Variants in MYO18B observed in about 807,000 individuals in gnomAD.
MYO18B encodes unconventional myosin-XVIIIb.
A neutral mutation model predicts 273.0 loss-of-function variants in MYO18B; 204 were observed. The ratio of observed to expected loss-of-function variants is 0.75; its 90% CI spans 0.67 to 0.84. The LOEUF is 0.84. Ranked by LOEUF, MYO18B falls within the 40% of genes least tolerant of loss-of-function variation. The pLI, the probability that MYO18B is intolerant of heterozygous loss-of-function variation, is 0.00. For missense variants in MYO18B, 3,212 were observed against 3,287.6 expected (o/e 0.98, Z 0.56); for synonymous variants, 1,330 against 1,305.7 (o/e 1.02, Z -0.40).
chr22:25,935,038 C>G (rs2092558808), intron 34 of MYO18B, among the ~76,000 whole-genome samples: 1 of 152,158 alleles, frequency 6.6e-6, no homozygotes, highest in Admixed American at 6.5e-5. Context: ...AAAGAGAAAT[C>G]TCATTAAAAT....
At chr22:25,904,592 C>T (rs2092003177) in intron 31 of MYO18B, among the ~76,000 whole-genome samples, 1 of 152,108 alleles carries the variant, frequency 6.6e-6, no homozygotes, top group African/African-American at 2.4e-5. Context: ...AATAAAATAA[C>T]AAAGGGAATA....
chr22:25,929,392 C>T (rs971651487), intron 34 of MYO18B, among the ~76,000 whole-genome samples: 11 of 152,004 alleles, frequency 7.2e-5, no homozygotes, highest in South Asian at 2.1e-4. Flanking sequence ...CCACTGGAAA[C>T]AAACTAATCT....
chr22:25,911,908 A>T (rs1164697590), intron 33 of MYO18B, among the ~76,000 whole-genome samples: 1 of 152,202 alleles, frequency 6.6e-6, no homozygotes, highest in African/African-American at 2.4e-5. Context: ...TGCTGCATGA[A>T]ATCCCAACAC....
chr22:25,951,941 C>T (rs1210841979), intron 37 of MYO18B, among the ~76,000 whole-genome samples: 1 of 152,204 alleles, frequency 6.6e-6, no homozygotes, highest in Non-Finnish European at 1.5e-5. Context: ...TCTTTTGATG[C>T]TGTAGCTTGT....
chr22:25,958,806 C>T (rs1407911958), intron 39 of MYO18B, among the ~76,000 whole-genome samples: 1 of 152,188 alleles, frequency 6.6e-6, no homozygotes, highest in African/African-American at 2.4e-5. Context: ...ATGTCTATGC[C>T]ACCAACTTGC....
At chr22:25,927,573 G>C (rs1462904495) in intron 34 of MYO18B, among the ~76,000 whole-genome samples, 1 of 152,194 alleles carries the variant, frequency 6.6e-6, no homozygotes, top group African/African-American at 2.4e-5. Context: ...CCTCGGTCCT[G>C]TGGTCCTGTG....
chr22:25,908,552 A>G (rs2092094789), intron 32 of MYO18B, 120 bp downstream of exon 32: 5 of 777,178 alleles, frequency 6.4e-6, no homozygotes, highest in Middle Eastern at 3.6e-4. Context: ...TCTTTCTGCA[A>G]TCATCTGAGA....
At chr22:25,962,026 T>A (rs2092923286) in intron 39 of MYO18B, among the ~76,000 whole-genome samples, 1 of 152,188 alleles carries the variant, frequency 6.6e-6, no homozygotes, top group East Asian at 1.9e-4. Flanking sequence ...TAGAAGCAGG[T>A]GCTGGTGTCA....
chr22:25,777,647 G>A lies in MYO18B; in HGVS notation c.1934G>A (p.Trp645Ter). The change falls in exon 8 of 44, where the codon TGG (tryptophan) becomes TAG (stop). Residue 645 changes from tryptophan (W) to a stop codon, truncating the protein, a stop_gained. Transcript: ENST00000335473. LOFTEE classifies it high-confidence loss of function. ...HIGSMAQRAY[W>*]ALLNQRRDQS... ...GGCTCCATGGCACAGCGGGCATACT[G>A]GGCGCTGCTGAACCAGCGGAGAGAC... The A allele has an allele frequency of 1.2e-6, 2 of 1,612,500 alleles. No homozygotes were observed. Among genetic ancestry groups the A allele is most frequent in the Non-Finnish European group, 1.7e-6 (2 of 1,179,198 alleles).
rs1210135474 is a variant in MYO18B at position 25,768,474 on chromosome 22, T to TA, written c.559dup (p.Thr187AsnfsTer11). The TA allele has an allele frequency of 7.7e-7, 1 of 1,306,282 alleles. No homozygotes were observed. Among genetic ancestry groups the TA allele is most frequent in the Non-Finnish European group, 1.1e-6 (1 of 938,440 alleles). 80.9% of individuals were successfully genotyped at this position (1,306,282 alleles called of 1,614,324 possible). A position where few individuals can be genotyped will look rare whatever the true frequency, so the allele number is the denominator to read the frequency against. ...GCAAGACCTCTCCCCCCGCCACAGA[T>TA]ACTGGAAAGGAAAAGAAAGGGGAGA... On this transcript the variant is annotated frameshift_variant, in exon 4 of 44. Coordinates refer to ENST00000335473, the MANE Select transcript of MYO18B (RefSeq NM_032608.7). LOFTEE classifies it high-confidence loss of function.
At chr22:26,023,323 G>T (rs1342953278) in intron 42 of MYO18B, among the ~76,000 whole-genome samples, 2 of 152,184 alleles carry the variant, frequency 1.3e-5, no homozygotes, top group African/African-American at 4.8e-5. Context: ...CATTTGCTGA[G>T]CATCTACTAC....
the MYO18B span, among the ~76,000 whole-genome samples, chr22:26,048,765 C>T: frequency 6.6e-5 from 10 of 152,182 alleles, no homozygotes; most frequent in East Asian, 1.9e-4. Context: ...TGCATGCATG[C>T]GTCTTTATGA....
chr22:26,039,423 T>C, the MYO18B span, among the ~76,000 whole-genome samples: 1 of 152,104 alleles, frequency 6.6e-6, no homozygotes, highest in African/African-American at 2.4e-5. Context: ...TGCCCAAGTA[T>C]TTTTTGAGCA....
Position 25,761,019 on chromosome 22 carries a change from A to G in MYO18B, c.-74A>G. The G allele has an allele frequency of 6.5e-7, 1 of 1,526,728 alleles. No individual in the cohort carries two copies. Among genetic ancestry groups the G allele is most frequent in the Non-Finnish European group, 9.1e-7 (1 of 1,103,594 alleles). 94.6% of individuals were successfully genotyped at this position (1,526,728 alleles called of 1,614,324 possible). Reference sequence around the variant, plus strand: ...ATCTCATGTGCTGCGTGTGTCTGTAAAGCCTCATTCCGTGCTGTCTGGCAG... The same window carrying G: ...ATCTCATGTGCTGCGTGTGTCTGTAGAGCCTCATTCCGTGCTGTCTGGCAG... On this transcript the variant is annotated 5_prime_UTR_variant, in exon 2 of 44. The change abolishes the stop of an existing upstream ORF in the 5' untranslated region. Coordinates refer to ENST00000335473, the MANE Select transcript of MYO18B (RefSeq NM_032608.7).
intron 38 of MYO18B, among the ~76,000 whole-genome samples, chr22:25,954,200 G>T (rs1193344859): frequency 6.6e-6 from 1 of 152,074 alleles, no homozygotes; most frequent in Non-Finnish European, 1.5e-5. Flanking sequence ...TGTGGCACTC[G>T]TGATGGCCAA....
chr22:25,797,949 G>A lies in MYO18B; in HGVS notation c.2377-4G>A, dbSNP rs200030443. 4,948 of 1,613,930 alleles carry A rather than the reference G, an allele frequency of 3.1e-3. 14 individuals carry two copies. Among genetic ancestry groups the A allele is most frequent in the Non-Finnish European group, 3.7e-3 (4,327 of 1,179,890 alleles). ...GTTTTCTTCCTCTCTCCCTTTGCCC[G>A]CAGCCTGAAGATAAACAGAAGGCGG... is the stretch of plus-strand genomic sequence containing the variant. On this transcript the variant is annotated splice_region_variant and splice_polypyrimidine_tract_variant and intron_variant, in intron 11 of 43. Coordinates refer to ENST00000335473, the MANE Select transcript of MYO18B (RefSeq NM_032608.7).
chr22:25,944,460 A>T (rs2092681326), intron 34 of MYO18B, among the ~76,000 whole-genome samples: 1 of 152,140 alleles, frequency 6.6e-6, no homozygotes, highest in Admixed American at 6.5e-5. Flanking sequence ...GATACAGAAA[A>T]GGGGGATAAG....
intron 14 of MYO18B, among the ~76,000 whole-genome samples, chr22:25,828,220 TG>T (rs2089566097): frequency 6.6e-6 from 1 of 152,120 alleles, no homozygotes; most frequent in Non-Finnish European, 1.5e-5. Context: ...TCAGAGAGGT[TG>T]GGCAACTCTC....
intron 33 of MYO18B, among the ~76,000 whole-genome samples, chr22:25,913,521 G>A (rs367801302): frequency 6.6e-6 from 1 of 152,080 alleles, no homozygotes; most frequent in Non-Finnish European, 1.5e-5. Context: ...CCGCCACCAC[G>A]CCTGGCTAAT....
Sources: allele counts gnomAD v4.1 joint callset (sites outside exome capture counted in the v4.1 genomes callset), GRCh38; gene constraint gnomAD v4.1.1; transcripts MANE v1.5; gene names NCBI Gene and HGNC (gene_info 2026-07-23, HGNC 2026-07-21).